The following ALDH1A2 variants were observed in gnomAD, a reference collection of about 807,000 sequenced individuals.
ALDH1A2 encodes retinal dehydrogenase 2.
ALDH1A2 carries 27 observed loss-of-function variants against 60.3 expected under a neutral mutation model. The observed-to-expected ratio is 0.45, with a 90% CI of 0.33 to 0.62. ALDH1A2 has a LOEUF of 0.62. Among genes scored for constraint, ALDH1A2 ranks in the 20% least tolerant of loss-of-function variants. The pLI, the probability that ALDH1A2 is intolerant of heterozygous loss-of-function variation, is 0.02. For synonymous variants in ALDH1A2, 289 were observed against 232.4 expected, an observed-to-expected ratio of 1.24 and a Z score of -2.21; for missense variants, 581 against 643.8, an observed-to-expected ratio of 0.90 and a Z score of 1.06.
At chr15:58,001,003 C>G (rs974738567) in intron 4 of ALDH1A2, among the ~76,000 whole-genome samples, 7 of 129,188 alleles carry the variant, frequency 5.4e-5, no homozygotes, top group Non-Finnish European at 1.1e-4. Flanking sequence ...GTAGGAGAAT[C>G]TGATCTGTAT....
At chr15:58,035,293 T>C (rs144424691) in intron 1 of ALDH1A2, among the ~76,000 whole-genome samples, 2,071 of 151,740 alleles carry the variant, frequency 0.014, 56 homozygotes, top group African/African-American at 0.047. Context: ...GTAGTAGCAA[T>C]AGTCCCTCTT....
chr15:58,012,101 A>G (rs770461582), intron 3 of ALDH1A2: 2 of 152,194 alleles, frequency 1.3e-5, no homozygotes, highest in Non-Finnish European at 2.9e-5. Flanking sequence ...TCATAGCTTG[A>G]GAGTGTTTAA....
intron 7 of ALDH1A2, among the ~76,000 whole-genome samples, chr15:57,973,604 C>A (rs1027735638): frequency 6.6e-6 from 1 of 152,156 alleles, no homozygotes; most frequent in African/African-American, 2.4e-5. Context: ...ATTATGTGAT[C>A]GTTTGATTTG....
chr15:58,047,838 C>G (rs985302529), intron 1 of ALDH1A2, among the ~76,000 whole-genome samples: 1 of 151,864 alleles, frequency 6.6e-6, no homozygotes, highest in Admixed American at 6.6e-5. Context: ...GAAAAAAACA[C>G]CCAAATGGCA....
intron 1 of ALDH1A2, among the ~76,000 whole-genome samples, chr15:58,038,971 T>G (rs1395504281): frequency 6.6e-6 from 1 of 151,788 alleles, no homozygotes; most frequent in Non-Finnish European, 1.5e-5. Context: ...AACCTTACAC[T>G]TAAATCATTC....
intron 3 of ALDH1A2, among the ~76,000 whole-genome samples, chr15:58,013,373 A>T (rs1895691969): frequency 6.6e-6 from 1 of 152,206 alleles, no homozygotes; most frequent in African/African-American, 2.4e-5. Context: ...GGTACTTACC[A>T]GTCATGGCAA....
intron 4 of ALDH1A2, among the ~76,000 whole-genome samples, chr15:58,001,626 A>C (rs1479432923): frequency 6.6e-6 from 1 of 151,904 alleles, no homozygotes; most frequent in Admixed American, 6.6e-5. Flanking sequence ...AATTAAAGCC[A>C]ATTTTCCATC....
chr15:57,980,248 A>G, intron 7 of ALDH1A2: 1 of 341,132 alleles, frequency 2.9e-6, no homozygotes, highest in Non-Finnish European at 6.0e-6. Flanking sequence ...GCGGCCTCTT[A>G]GTCTTGACCT....
intron 1 of ALDH1A2, among the ~76,000 whole-genome samples, chr15:58,049,827 AC>A (rs1163634817): frequency 1.3e-5 from 2 of 151,862 alleles, no homozygotes; most frequent in African/African-American, 4.8e-5. Context: ...GCTTTTATGT[AC>A]CCCCCTGTCT....
chr15:58,052,606 A>G (rs1444964862), intron 1 of ALDH1A2, among the ~76,000 whole-genome samples: 1 of 152,104 alleles, frequency 6.6e-6, no homozygotes, highest in Non-Finnish European at 1.5e-5. Flanking sequence ...AAGCATTTTC[A>G]TATTTCCAGG....
intron 7 of ALDH1A2, among the ~76,000 whole-genome samples, chr15:57,986,468 A>G (rs1454578717): frequency 7.3e-5 from 11 of 151,176 alleles, no homozygotes; most frequent in Non-Finnish European, 1.2e-4. Flanking sequence ...ACCTTTTAGG[A>G]AAAAAAAAGT....
chr15:57,979,073 G>C (rs1595632332), intron 7 of ALDH1A2, among the ~76,000 whole-genome samples: 1 of 152,110 alleles, frequency 6.6e-6, no homozygotes, highest in East Asian at 1.9e-4. Flanking sequence ...GAGTTGGGGG[G>C]ATTAGGCCCA....
intron 1 of ALDH1A2, chr15:58,058,112 G>A (rs984928807): frequency 2.0e-6 from 3 of 1,512,916 alleles, no homozygotes; most frequent in South Asian, 1.2e-5. Context: ...TTCACACCTA[G>A]AGAAATAAGA....
chr15:58,062,426 T>TC (rs1469767870), intron 1 of ALDH1A2, among the ~76,000 whole-genome samples: 1 of 152,130 alleles, frequency 6.6e-6, no homozygotes, highest in Non-Finnish European at 1.5e-5. Flanking sequence ...TTAAGAGATA[T>TC]CCCCTGCAGT....
intron 1 of ALDH1A2, among the ~76,000 whole-genome samples, chr15:58,038,014 C>T (rs1357454926): frequency 1.3e-5 from 2 of 151,492 alleles, no homozygotes; most frequent in Non-Finnish European, 3.0e-5. Context: ...GGGCCTTCCC[C>T]TTCTTTTTTT....
chr15:57,978,889 A>G (rs1257400249), intron 7 of ALDH1A2, among the ~76,000 whole-genome samples: 2 of 152,180 alleles, frequency 1.3e-5, no homozygotes, highest in Non-Finnish European at 2.9e-5. Context: ...ATACAAAAGT[A>G]GCCAAGCATG....
intron 7 of ALDH1A2, chr15:57,980,218 GC>G (rs1218036266): frequency 9.3e-6 from 3 of 323,480 alleles, no homozygotes; most frequent in African/African-American, 6.5e-5. Flanking sequence ...AGTATTTGAT[GC>G]CAATGTCCAC....
At chr15:58,013,445 TTCTCCA>T (rs1411138746) in intron 3 of ALDH1A2, among the ~76,000 whole-genome samples, 1 of 152,196 alleles carries the variant, frequency 6.6e-6, no homozygotes, top group Non-Finnish European at 1.5e-5. Flanking sequence ...CCATTTCTCC[TTCTCCA>T]TCTGATCCCC....
chr15:57,988,274 T>C (rs550460288), intron 7 of ALDH1A2, among the ~76,000 whole-genome samples: 1 of 152,306 alleles, frequency 6.6e-6, no homozygotes, highest in Admixed American at 6.5e-5. Flanking sequence ...TGGTAGACTG[T>C]GATTGAGGTG....
Sources: gnomAD v4.1 joint callset for allele counts (sites outside exome capture counted in the v4.1 genomes callset) on GRCh38, gnomAD v4.1.1 for gene constraint, MANE v1.5 for transcripts, NCBI Gene and HGNC (gene_info 2026-07-23, HGNC 2026-07-21) for gene names.